The following ABCB5 variants were observed in gnomAD, a reference collection of about 807,000 sequenced individuals.
ABCB5 encodes the protein ATP-binding cassette sub-family B member 5.
In ABCB5, 155 loss-of-function variants were observed where a neutral mutation model predicts 144.2. The ratio of observed to expected loss-of-function variants is 1.08; its 90% confidence interval spans 0.94 to 1.23. The LOEUF (loss-of-function observed/expected upper bound fraction) is 1.23. Ranked by LOEUF, ABCB5 falls within the 50% of genes most tolerant of loss-of-function variation. The pLI, the probability that ABCB5 is intolerant of heterozygous loss-of-function variation, is 0.00. For missense variants in ABCB5, 1,830 were observed against 1,520.8 expected (o/e 1.20, Z -3.38); for synonymous variants, 610 against 528.6 (o/e 1.15, Z -2.11).
At chr7:20,647,080 A>T (rs188249157) in intron 9 of ABCB5, among the ~76,000 whole-genome samples, 1 of 152,330 alleles carries the variant, frequency 6.6e-6, no homozygotes, top group African/African-American at 2.4e-5. Context: ...TAATACAAAA[A>T]TTCAAAAACG....
intron 5 of ABCB5, 29 bp from the exon 6 acceptor site, chr7:20,643,155 A>T: frequency 1.3e-6 from 2 of 1,555,994 alleles, no homozygotes; most frequent in Non-Finnish European, 1.8e-6. Context: ...GTTGTGCTTC[A>T]GTCTCACATT....
At position 20,617,898 on chromosome 7, in the gene ABCB5, C is replaced by A. The variant is rs1054428322; in HGVS notation, c.-22+2061C>A. On this transcript the variant is annotated intron_variant, in intron 1 of 27. Transcript: ENST00000404938. ...GAACATTAGATAGTGATAAAACAGT[C>A]AAATCACCAAGAAGATATAACAACT... Among the ~76,000 whole-genome samples the A allele has an allele frequency of 2.6e-5, 4 of 152,074 alleles. No homozygotes were observed. In the East Asian group the frequency reaches 7.7e-4, roughly 29 times the overall value.
rs372984477 is a variant in ABCB5 at position 20,650,067 on chromosome 7, G to A, written c.1252G>A (p.Ala418Thr). The change falls in exon 12 of 28, where the codon GCC (alanine) becomes ACC (threonine). Residue 418 changes from alanine to threonine, a missense_variant. Ala to Thr is a moderately conservative substitution (Grantham distance 58, BLOSUM62 0). Transcript: ENST00000404938. ...NLRIKSGETV[A>T]LVGLNGSGKS... ...CAGAATTAAGTCTGGAGAGACAGTC[G>A]CCTTGGTCGGTCTCAATGGCAGTGG... is the stretch of plus-strand genomic sequence containing the variant. 3.8e-5 allele frequency: 61 copies of A among 1,613,360 alleles called. No homozygotes were observed. The highest frequency in any genetic ancestry group is 3.3e-4 in the Middle Eastern group (2 of 6,064).
chr7:20,720,532 C>CCCTAAGAT (rs1781825344), intron 20 of ABCB5, among the ~76,000 whole-genome samples: 1 of 60,848 alleles, frequency 1.6e-5, no homozygotes, highest in Non-Finnish European at 3.4e-5. Context: ...AGCATCACTT[C>CCCTAAGAT]TCTAAGATGC....
chr7:20,636,912 A>C (rs1159213385), intron 5 of ABCB5, among the ~76,000 whole-genome samples: 1 of 151,996 alleles, frequency 6.6e-6, no homozygotes, highest in Non-Finnish European at 1.5e-5. Flanking sequence ...ATTAAAGAAG[A>C]CTCTTCAGTC....
intron 14 of ABCB5, among the ~76,000 whole-genome samples, chr7:20,678,628 AAAAACAAAAAC>A (rs1414216558): frequency 1.4e-5 from 2 of 142,464 alleles, no homozygotes; most frequent in Admixed American, 6.9e-5. Flanking sequence ...AAACAAAAAC[AAAAACAAAAAC>A]AAAAAAAAAC....
intron 13 of ABCB5, among the ~76,000 whole-genome samples, chr7:20,652,986 G>A (rs950852439): frequency 6.6e-6 from 1 of 152,108 alleles, no homozygotes; most frequent in Non-Finnish European, 1.5e-5. Context: ...CATTATTTAG[G>A]ATCATAATTA....
chr7:20,694,858 A>G (rs1470544178), intron 16 of ABCB5, among the ~76,000 whole-genome samples: 1 of 152,088 alleles, frequency 6.6e-6, no homozygotes, highest in Non-Finnish European at 1.5e-5. Context: ...GTACCAAAAT[A>G]TTAAATTATA....
At chr7:20,754,163 T>C (rs535626695) in intron 27 of ABCB5, among the ~76,000 whole-genome samples, 1 of 152,222 alleles carries the variant, frequency 6.6e-6, no homozygotes, top group Admixed American at 6.5e-5. Flanking sequence ...ACATGACGAA[T>C]GAGCTTCTTG....
At chr7:20,674,333 GT>G (rs1292324817) in intron 14 of ABCB5, among the ~76,000 whole-genome samples, 1 of 151,750 alleles carries the variant, frequency 6.6e-6, no homozygotes, top group African/African-American at 2.4e-5. Flanking sequence ...GCTGTCATAT[GT>G]TTTTGTTTCA....
At chr7:20,733,182 C>CATT (rs374670890) in intron 23 of ABCB5, among the ~76,000 whole-genome samples, 3,236 of 151,084 alleles carry the variant, frequency 0.021, 93 homozygotes, top group African/African-American at 0.061. Flanking sequence ...ACTCAACGTA[C>CATT]ATTATTATTA....
At chr7:20,699,794 A>G (rs1196024719) in intron 17 of ABCB5, 31 bp from the exon 18 acceptor site, 22 of 1,455,528 alleles carry the variant, frequency 1.5e-5, no homozygotes, top group South Asian at 3.7e-5. Context: ...ATTTTCCCCC[A>G]AACACCTGAT....
chr7:20,632,110 C>A lies in ABCB5; in HGVS notation c.311C>A (p.Thr104Asn). 5 of 1,514,140 alleles carry A rather than the reference C, an allele frequency of 3.3e-6. No homozygotes were observed. The highest frequency in any genetic ancestry group is 4.4e-6 in the Non-Finnish European group (5 of 1,128,430). The allele number at this position is 1,514,140 out of a possible 1,614,324, so 93.8% of individuals were successfully genotyped here. ...CAAGAGAAGCTGAATGAAGATATGA[C>A]TCTGTAAGTCCAAATGAAACGTTAA... ...QSQEKLNEDM[T>N]LLTLYYVGIG... Residue 104 changes from threonine to asparagine, a missense_variant, in exon 5 of 28, where the codon ACT becomes AAT. Transcript: ENST00000404938.
intron 20 of ABCB5, among the ~76,000 whole-genome samples, chr7:20,720,775 C>T (rs935473830): frequency 6.6e-6 from 1 of 151,590 alleles, no homozygotes; most frequent in Admixed American, 6.6e-5. Flanking sequence ...GAAACCCCGT[C>T]TCTACTAAAA....
chr7:20,669,103 G>T (rs1319603729), intron 14 of ABCB5, among the ~76,000 whole-genome samples: 6 of 150,810 alleles, frequency 4.0e-5, no homozygotes, highest in East Asian at 4.1e-4. Flanking sequence ...GAGGATGGTG[G>T]GGGGGGTCAG....
chr7:20,639,066 AG>A, intron 5 of ABCB5, among the ~76,000 whole-genome samples: 1 of 151,210 alleles, frequency 6.6e-6, no homozygotes, highest in African/African-American at 2.4e-5. Context: ...GTAGGTATGA[AG>A]GGGTATTATA....
intron 16 of ABCB5, 30 bp from the exon 17 acceptor site, chr7:20,698,377 G>A: frequency 2.6e-6 from 4 of 1,537,452 alleles, no homozygotes; most frequent in Non-Finnish European, 3.5e-6. Flanking sequence ...ACACAAACTG[G>A]CATTTTTAAC....
chr7:20,695,128 G>T (rs1786363710), intron 16 of ABCB5, among the ~76,000 whole-genome samples: 1 of 151,862 alleles, frequency 6.6e-6, no homozygotes, highest in South Asian at 2.1e-4. Context: ...TTTCAATTCT[G>T]TTTCAACTAC....
At chr7:20,728,540 G>A (rs1357499619) in intron 23 of ABCB5, 85 bp downstream of exon 23, 8 of 1,463,952 alleles carry the variant, frequency 5.5e-6, no homozygotes. Flanking sequence ...GATCACTTGA[G>A]GTCAGGAGTT....
Sources: allele counts gnomAD v4.1 joint callset (sites outside exome capture counted in the v4.1 genomes callset), GRCh38; gene constraint gnomAD v4.1.1; transcripts MANE v1.5; gene names NCBI Gene and HGNC (gene_info 2026-07-23, HGNC 2026-07-21).